MAML2: variants seen among roughly 807,000 people sequenced by gnomAD.
MAML2 encodes the protein mastermind-like protein 2.
A neutral mutation model predicts 96.1 loss-of-function variants in MAML2; 22 were observed. That is an observed-to-expected ratio of 0.23 (90% CI 0.16 to 0.33). The LOEUF (loss-of-function observed/expected upper bound fraction) is 0.33, where lower values mean the gene tolerates loss of function less well. Among genes scored for constraint, MAML2 ranks in the 10% least tolerant of loss-of-function variants. The probability of loss-of-function intolerance (pLI) is 1.00; values close to 1 mark genes in which losing one functional copy is unlikely to be tolerated. For synonymous variants in MAML2, 561 were observed against 521.3 expected, an observed-to-expected ratio of 1.08 and a Z score of -1.04; for missense variants, 1,367 against 1,392.4, an observed-to-expected ratio of 0.98 and a Z score of 0.29.
intron 2 of MAML2, among the ~76,000 whole-genome samples, chr11:96,003,778 A>G (rs907168490): frequency 1.3e-5 from 2 of 152,198 alleles, no homozygotes; most frequent in Non-Finnish European, 2.9e-5. Context: ...ATTGAATATC[A>G]TATAAATTTT....
At chr11:96,281,963 C>T (rs1179637088) in intron 1 of MAML2, among the ~76,000 whole-genome samples, 1 of 152,006 alleles carries the variant, frequency 6.6e-6, no homozygotes, top group Non-Finnish European at 1.5e-5. Context: ...AAAATAATGA[C>T]TGTAGGCCAG....
chr11:96,009,903 T>C (rs533498161), intron 2 of MAML2, among the ~76,000 whole-genome samples: 1 of 152,292 alleles, frequency 6.6e-6, no homozygotes, highest in African/African-American at 2.4e-5. Flanking sequence ...TTCCTTAATA[T>C]AAGTATCTAT....
At chr11:96,202,071 C>T (rs768490027) in intron 1 of MAML2, among the ~76,000 whole-genome samples, 10 of 144,914 alleles carry the variant, frequency 6.9e-5, no homozygotes, top group Admixed American at 2.1e-4. Context: ...TGGTGGCTCG[C>T]GCCTGTAATC....
intron 2 of MAML2, among the ~76,000 whole-genome samples, chr11:96,073,847 A>G (rs769554241): frequency 8.5e-5 from 13 of 152,090 alleles, no homozygotes; most frequent in Non-Finnish European, 1.8e-4. Context: ...AGGTAAAAGG[A>G]TCTGTGTAGA....
intron 2 of MAML2, among the ~76,000 whole-genome samples, chr11:96,067,878 GTCT>G: frequency 6.6e-6 from 1 of 152,198 alleles, no homozygotes; most frequent in East Asian, 1.9e-4. Flanking sequence ...TGATTTAAAG[GTCT>G]TCTTGACCTT....
In MAML2 at chr11:96,341,468, T is replaced by C; in HGVS notation, c.428A>G (p.Asn143Ser). The C allele has an allele frequency of 6.4e-7, 1 of 1,551,558 alleles. No individual in the cohort carries two copies. Among genetic ancestry groups the C allele is most frequent in the East Asian group, 2.4e-5 (1 of 40,914 alleles). ...GTTTATCCCACCACTGCCACCATTA[T>C]TGCTACTGTTCAGCAGGTGCTGCTG... ...HHQQHLLNSS[N>S]NGGSGGINGE... The change falls in exon 1 of 5, where the codon AAT (asparagine) becomes AGT (serine). Residue 143 changes from asparagine to serine, a missense_variant. Asn to Ser is a conservative substitution (Grantham distance 46, BLOSUM62 1). Coordinates refer to ENST00000524717, the MANE Select transcript of MAML2 (RefSeq NM_032427.4).
At chr11:96,097,783 A>G (rs115752732) in intron 1 of MAML2, among the ~76,000 whole-genome samples, 3,697 of 152,284 alleles carry the variant, frequency 0.024, 156 homozygotes, top group African/African-American at 0.083. Flanking sequence ...TAACTATTGT[A>G]TACTGAAGGC....
At chr11:96,338,973 G>A (rs1026945388) in intron 1 of MAML2, among the ~76,000 whole-genome samples, 2 of 152,166 alleles carry the variant, frequency 1.3e-5, no homozygotes, top group Admixed American at 1.3e-4. Flanking sequence ...GGTTAATACA[G>A]CACTTGCATC....
At position 96,092,823 on chromosome 11, in the gene MAML2, G is replaced by A. The variant is rs757478947; in HGVS notation, c.1208C>T (p.Pro403Leu). The A allele has an allele frequency of 1.9e-6, 3 of 1,609,664 alleles. No individual in the cohort carries two copies. Among genetic ancestry groups the A allele is most frequent in the South Asian group, 2.2e-5 (2 of 90,464 alleles). ...MANSALSTSS[P>L]IPSVPQSQAQ... ...CTGGCTCTGAGGGACTGAAGGGATT[G>A]GAGACGAAGTGGAGAGGGCAGAGTT... Residue 403 changes from proline to leucine, a missense_variant, in exon 2 of 5, where the codon CCA becomes CTA. Pro to Leu is a moderately conservative substitution (Grantham distance 98). Coordinates refer to ENST00000524717, the MANE Select transcript of MAML2 (RefSeq NM_032427.4). The surrounding 1 kb of genome is among the most constrained non-coding windows in gnomAD (Gnocchi z 4.1).
At chr11:96,211,592 G>A (rs1476974661) in intron 1 of MAML2, among the ~76,000 whole-genome samples, 3 of 152,130 alleles carry the variant, frequency 2.0e-5, no homozygotes, top group Non-Finnish European at 4.4e-5. Context: ...TAAGAGAAGG[G>A]AAGATCAGAG....
chr11:95,982,091 A>G (rs1434633212), intron 4 of MAML2, among the ~76,000 whole-genome samples: 1 of 152,214 alleles, frequency 6.6e-6, no homozygotes, highest in East Asian at 1.9e-4. Context: ...GATTAAAATA[A>G]AAAATGATTT....
intron 1 of MAML2, among the ~76,000 whole-genome samples, chr11:96,291,062 A>C (rs1017565292): frequency 6.6e-6 from 1 of 151,446 alleles, no homozygotes; most frequent in Non-Finnish European, 1.5e-5. Flanking sequence ...TGAAAAATAG[A>C]ATTAAAGGAT....
At chr11:95,995,555 TTAG>T (rs1448711082) in intron 2 of MAML2, among the ~76,000 whole-genome samples, 1 of 152,210 alleles carries the variant, frequency 6.6e-6, no homozygotes, top group East Asian at 1.9e-4. Flanking sequence ...TGCCAGGGAC[TTAG>T]TAGAGATGTT....
intron 1 of MAML2, among the ~76,000 whole-genome samples, chr11:96,155,550 A>ATATATATATATATG (rs1860999536): frequency 1.6e-5 from 2 of 128,330 alleles, no homozygotes; most frequent in East Asian, 2.4e-4. Context: ...ATATATATAT[A>ATATATATATATATG]TGAGGAAAGT....
At chr11:96,038,771 A>G (rs1476825773) in intron 2 of MAML2, among the ~76,000 whole-genome samples, 1 of 152,190 alleles carries the variant, frequency 6.6e-6, no homozygotes, top group Non-Finnish European at 1.5e-5. Flanking sequence ...TTTTTTTCAA[A>G]GTACCCAAAA....
chr11:96,166,130 T>TCTC (rs1565234950), intron 1 of MAML2, among the ~76,000 whole-genome samples: 7 of 121,042 alleles, frequency 5.8e-5, no homozygotes, highest in African/African-American at 1.9e-4. Flanking sequence ...CTGTCTCTCT[T>TCTC]TCTCTGTCTC....
chr11:96,288,523 CA>C (rs1233291079), intron 1 of MAML2, among the ~76,000 whole-genome samples: 2 of 121,976 alleles, frequency 1.6e-5, no homozygotes, highest in African/African-American at 3.1e-5. Context: ...GCTCGGGTGA[CA>C]ACAGCGAGAC....
chr11:96,124,768 A>G (rs931292827), intron 1 of MAML2, among the ~76,000 whole-genome samples: 12 of 152,222 alleles, frequency 7.9e-5, no homozygotes, highest in Non-Finnish European at 1.8e-4. Context: ...GCATGAGAGG[A>G]GGGAAGAAGG....
chr11:96,034,940 G>A (rs926010997), intron 2 of MAML2, among the ~76,000 whole-genome samples: 38 of 152,142 alleles, frequency 2.5e-4, no homozygotes, highest in Admixed American at 2.0e-4. Flanking sequence ...AAGCATATGG[G>A]AGTGTCCAAG....
Sources: gnomAD v4.1 joint callset for allele counts (sites outside exome capture counted in the v4.1 genomes callset) on GRCh38, gnomAD v4.1.1 for gene constraint, Gnocchi (gnomAD v3.1) non-coding constraint, MANE v1.5 for transcripts, NCBI Gene and HGNC (gene_info 2026-07-23, HGNC 2026-07-21) for gene names.